The following PDZD8 variants were observed in gnomAD, a reference collection of about 807,000 sequenced individuals.
PDZD8 encodes the protein PDZ domain-containing protein 8.
A neutral mutation model predicts 85.8 loss-of-function variants in PDZD8; 14 were observed. The observed-to-expected ratio is 0.16, with a 90% CI of 0.11 to 0.26. The LOEUF (loss-of-function observed/expected upper bound fraction) is 0.26, where lower values mean the gene tolerates loss of function less well. Ranked by LOEUF, PDZD8 falls within the 10% of genes least tolerant of loss-of-function variation. The pLI is 1.00. For missense variants in PDZD8, 1,197 were observed against 1,424.3 expected (o/e 0.84, Z 2.57); for synonymous variants, 592 against 568.6 (o/e 1.04, Z -0.59).
At chr10:117,339,650 A>T (rs1272649142) in intron 2 of PDZD8, among the ~76,000 whole-genome samples, 1 of 152,260 alleles carries the variant, frequency 6.6e-6, no homozygotes, top group African/African-American at 2.4e-5. Context: ...TTTTACTGGC[A>T]CACAGCCACA....
At chr10:117,347,921 G>C (rs118133728) in intron 1 of PDZD8, among the ~76,000 whole-genome samples, 10 of 152,322 alleles carry the variant, frequency 6.6e-5, no homozygotes, top group Non-Finnish European at 1.3e-4. Context: ...AAAAGTACAT[G>C]AGGGGTTATT....
intron 2 of PDZD8, among the ~76,000 whole-genome samples, chr10:117,331,075 T>C (rs1028307197): frequency 1.3e-5 from 2 of 152,258 alleles, no homozygotes; most frequent in Non-Finnish European, 1.5e-5. Flanking sequence ...TTGACTTATT[T>C]ATGCATTTGT....
intron 3 of PDZD8, among the ~76,000 whole-genome samples, chr10:117,309,859 G>A (rs1179779182): frequency 1.3e-5 from 2 of 152,058 alleles, no homozygotes; most frequent in East Asian, 1.9e-4. Flanking sequence ...TGGATGAAAC[G>A]GGTTTGGGGA....
intron 1 of PDZD8, among the ~76,000 whole-genome samples, chr10:117,346,756 G>T (rs1844715770): frequency 6.6e-6 from 1 of 151,632 alleles, no homozygotes. Flanking sequence ...CCACTTTTAG[G>T]GTTTCCTGGC....
chr10:117,319,768 G>A (rs192350320), intron 2 of PDZD8, among the ~76,000 whole-genome samples: 5 of 152,114 alleles, frequency 3.3e-5, no homozygotes, highest in Admixed American at 3.3e-4. Context: ...TTACTCATGG[G>A]TCCAACTTCT....
chr10:117,335,579 T>A (rs1301912414), intron 2 of PDZD8, among the ~76,000 whole-genome samples: 1 of 152,210 alleles, frequency 6.6e-6, no homozygotes, highest in Admixed American at 6.5e-5. Context: ...ATACTCTATG[T>A]ATTTAAAAGC....
chr10:117,304,344 A>G (rs1843896013), intron 3 of PDZD8, among the ~76,000 whole-genome samples: 1 of 152,096 alleles, frequency 6.6e-6, no homozygotes, highest in Admixed American at 6.5e-5. Context: ...TATTTACCCA[A>G]TACCTGTACC....
At chr10:117,346,699 T>C (rs1024241337) in intron 1 of PDZD8, among the ~76,000 whole-genome samples, 2 of 152,080 alleles carry the variant, frequency 1.3e-5, no homozygotes, top group South Asian at 4.1e-4. Flanking sequence ...TTCAGTATGG[T>C]GTCTCCTCCC....
intron 1 of PDZD8, among the ~76,000 whole-genome samples, chr10:117,342,347 C>T (rs146584082): frequency 2.6e-5 from 4 of 151,660 alleles, no homozygotes; most frequent in African/African-American, 9.7e-5. Flanking sequence ...ATGATATCTA[C>T]TTGCTCAGAA....
rs998567909 is a variant in PDZD8, at chr10:117,279,651, A to G, written c.*3617T>C. On this transcript the variant is annotated 3_prime_UTR_variant, in exon 5 of 5. Transcript: ENST00000334464. Reference sequence around the variant, plus strand: ...GCCACATTCAATGTGGAAAAAAACCAGGAAGTTATCCTTCCATCTATAAAC... The same window carrying G: ...GCCACATTCAATGTGGAAAAAAACCGGGAAGTTATCCTTCCATCTATAAAC... The G allele has an allele frequency of 2.0e-5, 3 of 152,248 alleles. No individual in the cohort carries two copies. The highest frequency in any genetic ancestry group is 4.4e-5 in the Non-Finnish European group (3 of 68,046). The allele number at this position is 152,248 out of a possible 1,614,324, so 9.4% of individuals were successfully genotyped here.
chr10:117,295,121 G>C (rs1191895511), intron 3 of PDZD8, among the ~76,000 whole-genome samples: 1 of 151,952 alleles, frequency 6.6e-6, no homozygotes, highest in African/African-American at 2.4e-5. Flanking sequence ...AGTCCAGCCT[G>C]GGCAACAGAG....
chr10:117,355,627 A>T (rs1164182868), intron 1 of PDZD8, among the ~76,000 whole-genome samples: 1 of 152,148 alleles, frequency 6.6e-6, no homozygotes, highest in African/African-American at 2.4e-5. Flanking sequence ...TCAGAGGCAA[A>T]AGGAGGATAA....
Position 117,283,152 on chromosome 10 carries a change from G to T in PDZD8, c.*116C>A. 2 of 1,028,894 alleles carry T rather than the reference G, an allele frequency of 1.9e-6. No individual in the cohort carries two copies. Among genetic ancestry groups the T allele is most frequent in the Non-Finnish European group, 2.8e-6 (2 of 723,314 alleles). The allele number at this position is 1,028,894 out of a possible 1,614,324, so 63.7% of individuals were successfully genotyped here. ...CTTTCTCATTTTTGTTCTTACACAAGCAAGTAACTGGAGAAGCAGGCCAGA... is the reference window on the plus strand; with the variant it reads ...CTTTCTCATTTTTGTTCTTACACAATCAAGTAACTGGAGAAGCAGGCCAGA... On this transcript the variant is annotated 3_prime_UTR_variant, in exon 5 of 5. Transcript: ENST00000334464.
In PDZD8 at chr10:117,349,542, C is replaced by T. The variant is rs534606406; in HGVS notation, c.873-8440G>A. On this transcript the variant is annotated intron_variant, in intron 1 of 4. Transcript: ENST00000334464. ...GGATGGCCAGGTGTGGTGGCTCATG[C>T]CTGTAATCCCAACACTTTGGGAGGC... is the stretch of plus-strand genomic sequence containing the variant. Among the ~76,000 whole-genome samples, 4 of 152,190 alleles carry T rather than the reference C, an allele frequency of 2.6e-5. No homozygotes were observed. The South Asian group carries it at 8.3e-4, about 32-fold the overall frequency.
rs761353505 is a variant in PDZD8, at chr10:117,279,288, G to A, written c.*3980C>T. The A allele has an allele frequency of 6.6e-5, 10 of 152,094 alleles. No individual in the cohort carries two copies. The highest frequency in any genetic ancestry group is 1.3e-4 in the Admixed American group (2 of 15,274). The allele number at this position is 152,094 out of a possible 1,614,324, so 9.4% of individuals were successfully genotyped here. On this transcript the variant is annotated 3_prime_UTR_variant, in exon 5 of 5. Coordinates refer to ENST00000334464, the MANE Select transcript of PDZD8 (RefSeq NM_173791.5). ...ACAGCTCTCTGAACATTTATTTTTT[G>A]AACAGAGGTGGTTTTTATGTTTGGA... is the stretch of plus-strand genomic sequence containing the variant.
At chr10:117,345,809 A>G (rs1844695432) in intron 1 of PDZD8, among the ~76,000 whole-genome samples, 1 of 152,224 alleles carries the variant, frequency 6.6e-6, no homozygotes, top group Admixed American at 6.5e-5. Context: ...TTACAGAGGA[A>G]GCCTTCAGGT....
chr10:117,321,801 T>C (rs1323733344), intron 2 of PDZD8, among the ~76,000 whole-genome samples: 3 of 152,174 alleles, frequency 2.0e-5, no homozygotes, highest in Admixed American at 6.6e-5. Flanking sequence ...AATCAATATA[T>C]TGTGACAAGA....
At chr10:117,347,269 C>T (rs1323276086) in intron 1 of PDZD8, among the ~76,000 whole-genome samples, 1 of 152,154 alleles carries the variant, frequency 6.6e-6, no homozygotes, top group Non-Finnish European at 1.5e-5. Flanking sequence ...AGCCTACTAC[C>T]TGAAGGCTTC....
chr10:117,364,209 A>T (rs55864857), intron 1 of PDZD8, among the ~76,000 whole-genome samples: 80 of 131,672 alleles, frequency 6.1e-4, no homozygotes, highest in African/African-American at 1.8e-3. Flanking sequence ...TGTGTGTGTG[A>T]GAGTGTGTGT....
Sources: allele counts gnomAD v4.1 joint callset (sites outside exome capture counted in the v4.1 genomes callset), GRCh38; gene constraint gnomAD v4.1.1; transcripts MANE v1.5; gene names NCBI Gene and HGNC (gene_info 2026-07-23, HGNC 2026-07-21).